ROCK1: variants seen among roughly 807,000 people sequenced by gnomAD.
The protein encoded by ROCK1 is rho-associated protein kinase 1.
A neutral mutation model predicts 196.8 loss-of-function variants in ROCK1; 36 were observed. The ratio of observed to expected loss-of-function variants is 0.18; its 90% CI spans 0.14 to 0.24. The LOEUF (loss-of-function observed/expected upper bound fraction) is 0.24. Ranked by LOEUF, ROCK1 falls within the 10% of genes least tolerant of loss-of-function variation. The probability of loss-of-function intolerance (pLI) is 1.00; values close to 1 mark genes in which losing one functional copy is unlikely to be tolerated. For missense variants in ROCK1, 920 were observed against 1,562.0 expected (o/e 0.59, Z 6.93); for synonymous variants, 443 against 515.9 (o/e 0.86, Z 1.91).
intron 2 of ROCK1, among the ~76,000 whole-genome samples, chr18:21,061,585 T>C (rs1183242965): frequency 1.3e-5 from 2 of 152,336 alleles, no homozygotes; most frequent in East Asian, 3.9e-4. Flanking sequence ...CCCACAGAAC[T>C]ATACACACTT....
chr18:20,959,070 T>A (rs1402289210), intron 29 of ROCK1, among the ~76,000 whole-genome samples: 4 of 40,174 alleles, frequency 1.0e-4, no homozygotes, highest in South Asian at 1.2e-3. Flanking sequence ...TATTTTATAT[T>A]ATATAATATA....
chr18:20,974,228 C>T (rs2035458067), intron 22 of ROCK1, among the ~76,000 whole-genome samples: 1 of 152,020 alleles, frequency 6.6e-6, no homozygotes, highest in African/African-American at 2.4e-5. Context: ...TAGCTAAGTA[C>T]AAGAATAAGG....
At chr18:21,027,374 T>C (rs1382587586) in intron 10 of ROCK1, among the ~76,000 whole-genome samples, 1 of 152,196 alleles carries the variant, frequency 6.6e-6, no homozygotes, top group Non-Finnish European at 1.5e-5. Context: ...AGTATATACC[T>C]GACAAATAAT....
At chr18:21,000,289 TCTCA>T (rs2035712270) in intron 16 of ROCK1, among the ~76,000 whole-genome samples, 2 of 151,134 alleles carry the variant, frequency 1.3e-5, no homozygotes, top group Non-Finnish European at 3.0e-5. Flanking sequence ...GGAGACAGGG[TCTCA>T]CTGTGTTCGC....
chr18:20,973,290 A>AT (rs1383608917), intron 22 of ROCK1, among the ~76,000 whole-genome samples: 28 of 151,306 alleles, frequency 1.9e-4, no homozygotes, highest in South Asian at 4.2e-4. Context: ...TGGAATCATA[A>AT]TTTTTTTTGG....
intron 1 of ROCK1, among the ~76,000 whole-genome samples, chr18:21,094,957 G>A (rs1347220461): frequency 3.3e-5 from 5 of 150,304 alleles, no homozygotes; most frequent in Non-Finnish European, 5.9e-5. Context: ...AGCTGAAGCA[G>A]GAGAATCGCT....
intron 8 of ROCK1, 21 bp downstream of exon 8, chr18:21,042,076 C>G (rs202190744): frequency 3.2e-4 from 510 of 1,592,614 alleles, no homozygotes; most frequent in Non-Finnish European, 3.1e-4. Context: ...TTAATACAGG[C>G]TCAGTTTTAA....
chr18:20,995,860 A>T (rs1321569971), intron 16 of ROCK1, among the ~76,000 whole-genome samples: 1 of 152,184 alleles, frequency 6.6e-6, no homozygotes, highest in Non-Finnish European at 1.5e-5. Context: ...GCCTCCTAAT[A>T]CAGATATGGC....
At position 21,111,233 on chromosome 18, in the gene ROCK1, C is replaced by G; in HGVS notation, c.-323G>C. On this transcript the variant is annotated 5_prime_UTR_variant, in exon 1 of 33. Coordinates refer to ENST00000399799, the MANE Select transcript of ROCK1 (RefSeq NM_005406.3). This position sits in a 1 kb window ranked among gnomAD's most constrained non-coding sequence, Gnocchi z 4.2. The stretch of plus-strand genomic sequence containing the variant: ...CTTCAGTCTAGCGGGCCCCGGCCGC[C>G]GTCGCCATGGAGGGGTCCCCGTCCC... 1 of 492,276 alleles carries G rather than the reference C, an allele frequency of 2.0e-6. No homozygotes were observed. The highest frequency in any genetic ancestry group is 3.6e-6 in the Non-Finnish European group (1 of 280,878). The allele number at this position is 492,276 out of a possible 1,614,324, so 30.5% of individuals were successfully genotyped here. A position where few individuals can be genotyped will look rare whatever the true frequency, so the allele number is the denominator to read the frequency against.
chr18:21,041,270 TA>T (rs780115669), intron 8 of ROCK1, among the ~76,000 whole-genome samples: 2,539 of 105,164 alleles, frequency 0.024, 69 homozygotes, highest in African/African-American at 0.084. Flanking sequence ...TGTCTCTATT[TA>T]AAAAAAAAAA....
Position 21,008,081 on chromosome 18 carries a change from C to G in ROCK1, c.1524G>C (p.Lys508Asn), listed in dbSNP as rs1381106504. The change falls in exon 14 of 33, where the codon AAG becomes AAC. Residue 508 changes from lysine to asparagine, a missense_variant. By Grantham distance (94) the Lys-to-Asn change is moderately conservative. Transcript: ENST00000399799. Reference sequence around the variant, plus strand: ...TACCTTCATTTTCTACATTTCTTCTCTTCTCATTTTCCTGTTCAGCTTTTC... The same window carrying G: ...TACCTTCATTTTCTACATTTCTTCTGTTCTCATTTTCCTGTTCAGCTTTTC... ...YQRKAEQENE[K>N]RRNVENEVST... 5.6e-6 allele frequency: 9 copies of G among 1,596,208 alleles called. No individual in the cohort carries two copies. Among genetic ancestry groups the G allele is most frequent in the Non-Finnish European group, 6.8e-6 (8 of 1,172,858 alleles).
At position 20,950,661 on chromosome 18, in the gene ROCK1, G is replaced by A. The variant is rs536744450; in HGVS notation, c.*723C>T. Reference sequence around the variant, plus strand: ...TACAGTTAGTTTCCTAATGTCTCTAGTAGTAAAATAACTCAATATGGCTTG... The same window carrying A: ...TACAGTTAGTTTCCTAATGTCTCTAATAGTAAAATAACTCAATATGGCTTG... On this transcript the variant is annotated 3_prime_UTR_variant, in exon 33 of 33. Transcript: ENST00000399799. The A allele has an allele frequency of 1.3e-5, 2 of 152,328 alleles. No individual in the cohort carries two copies. Among genetic ancestry groups the A allele is most frequent in the African/African-American group, 4.8e-5 (2 of 41,422 alleles). The allele number at this position is 152,328 out of a possible 1,614,324, so 9.4% of individuals were successfully genotyped here. A position where few individuals can be genotyped will look rare whatever the true frequency, so the allele number is the denominator to read the frequency against.
chr18:20,977,149 C>T (rs1232800008), intron 22 of ROCK1, among the ~76,000 whole-genome samples: 1 of 152,180 alleles, frequency 6.6e-6, no homozygotes, highest in Non-Finnish European at 1.5e-5. Flanking sequence ...TTCTAAAATA[C>T]TTATCAGTCA....
intron 10 of ROCK1, among the ~76,000 whole-genome samples, chr18:21,026,306 T>C (rs978022522): frequency 2.6e-5 from 4 of 151,814 alleles, no homozygotes; most frequent in Non-Finnish European, 5.9e-5. Context: ...TAGCCGGGCA[T>C]GGTGGCACAT....
chr18:21,037,823 G>A (rs1179874687), intron 9 of ROCK1, among the ~76,000 whole-genome samples: 1 of 152,086 alleles, frequency 6.6e-6, no homozygotes, highest in Non-Finnish European at 1.5e-5. Context: ...TTTGATCACT[G>A]CTGTTTTCCC....
rs568322835 is a variant in ROCK1 at position 20,984,506 on chromosome 18, C to T, written c.2334G>A (p.Gln778=). 4.1e-5 allele frequency: 66 copies of T among 1,612,398 alleles called. No homozygotes were observed. The South Asian group carries it at 7.1e-4, about 17-fold the overall frequency. ...GTAACAACAGCCGCTTATTTGATTC[C>T]TGCTCCAGTTGCAGGGTTAGATTCT... ...EVKNLTLQLE[Q]ESNKRLLLQN... is the part of the protein sequence containing the mutation. The change falls in exon 20 of 33, where the codon CAG becomes CAA. Residue 778 remains glutamine (Q), a synonymous_variant. Coordinates refer to ENST00000399799, the MANE Select transcript of ROCK1 (RefSeq NM_005406.3).
intron 1 of ROCK1, among the ~76,000 whole-genome samples, chr18:21,078,192 G>A (rs2036450349): frequency 6.6e-6 from 1 of 152,130 alleles, no homozygotes; most frequent in Admixed American, 6.5e-5. Flanking sequence ...AGCCGGGTGT[G>A]GTGGCGTGCG....
chr18:21,079,353 G>C (rs1261267326), intron 1 of ROCK1, among the ~76,000 whole-genome samples: 1 of 152,134 alleles, frequency 6.6e-6, no homozygotes, highest in Non-Finnish European at 1.5e-5. Context: ...CTTTTCAGCT[G>C]TAGTGAGGGT....
chr18:21,060,860 A>C (rs1180631320), intron 2 of ROCK1, among the ~76,000 whole-genome samples: 1 of 151,542 alleles, frequency 6.6e-6, no homozygotes, highest in Non-Finnish European at 1.5e-5. Flanking sequence ...AAAAAAAAAA[A>C]ACCTAAATTC....
Sources: allele counts gnomAD v4.1 joint callset (sites outside exome capture counted in the v4.1 genomes callset), GRCh38; gene constraint gnomAD v4.1.1; non-coding constraint Gnocchi (gnomAD v3.1); transcripts MANE v1.5; gene names NCBI Gene and HGNC (gene_info 2026-07-23, HGNC 2026-07-21).